The following PNPLA7 variants were observed in gnomAD, a reference collection of about 807,000 sequenced individuals.
The protein encoded by PNPLA7 is patatin like domain 7, lysophospholipase, also known as patatin-like phospholipase domain-containing protein 7.
PNPLA7 carries 153 observed loss-of-function variants against 161.7 expected under a neutral mutation model. The observed-to-expected ratio is 0.95, with a 90% CI of 0.83 to 1.08. The LOEUF is 1.08. Among genes scored for constraint, PNPLA7 ranks in the 50% least tolerant of loss-of-function variants. PNPLA7 has a pLI of 0.00. For synonymous variants in PNPLA7, 809 were observed against 782.1 expected, an observed-to-expected ratio of 1.03 and a Z score of -0.57; for missense variants, 1,739 against 1,856.6, an observed-to-expected ratio of 0.94 and a Z score of 1.16.
At chr9:137,497,143 G>A (rs1198741893) in intron 18 of PNPLA7, 44 bp downstream of exon 18, 1 of 1,484,760 alleles carries the variant, frequency 6.7e-7, no homozygotes. Context: ...TGCTCTGGGA[G>A]GGATGCAGAG....
chr9:137,495,925 G>A (rs1320868867), intron 18 of PNPLA7, among the ~76,000 whole-genome samples: 1 of 152,112 alleles, frequency 6.6e-6, no homozygotes, highest in African/African-American at 2.4e-5. Context: ...ATCGGAGCGC[G>A]GGACTCTGAT....
intron 4 of PNPLA7, among the ~76,000 whole-genome samples, chr9:137,546,173 GGC>G (rs1836513125): frequency 1.3e-5 from 2 of 152,092 alleles, no homozygotes; most frequent in African/African-American, 4.8e-5. Flanking sequence ...CAGAAATAAT[GGC>G]ATAAGCTATC....
Position 137,467,607 on chromosome 9 carries a change from C to A in PNPLA7, c.2883-134G>T. The stretch of plus-strand genomic sequence containing the variant: ...CTGACGCAGAGAGGGACTCCAGATG[C>A]AGTTTAAAACCCCTCTTTCCGGGCT... On this transcript the variant is annotated intron_variant, in intron 25 of 34. Coordinates refer to ENST00000406427, the MANE Select transcript of PNPLA7 (RefSeq NM_001098537.3). The surrounding 1 kb of genome is among the most constrained non-coding windows in gnomAD (Gnocchi z 5.1). The A allele has an allele frequency of 8.3e-7, 1 of 1,206,228 alleles. No homozygotes were observed. The allele number at this position is 1,206,228 out of a possible 1,614,324, so 74.7% of individuals were successfully genotyped here. A position where few individuals can be genotyped will look rare whatever the true frequency, so the allele number is the denominator to read the frequency against.
At position 137,500,987 on chromosome 9, in the gene PNPLA7, T is replaced by C; in HGVS notation, c.1552-91A>G. 8.1e-7 allele frequency: 1 copy of C among 1,233,930 alleles called. No individual in the cohort carries two copies. Among genetic ancestry groups the C allele is most frequent in the Non-Finnish European group, 1.1e-6 (1 of 893,234 alleles). The allele number at this position is 1,233,930 out of a possible 1,614,324, so 76.4% of individuals were successfully genotyped here. On this transcript the variant is annotated intron_variant, in intron 15 of 34. Coordinates refer to ENST00000406427, the MANE Select transcript of PNPLA7 (RefSeq NM_001098537.3). The surrounding 1 kb of genome is among the most constrained non-coding windows in gnomAD (Gnocchi z 5.5). ...CCCAGAGCGGACGATGCCACCAGGC[T>C]CAGCCGGGAGACCATCCGCCGACCT...
rs546784288 is a variant in PNPLA7 at position 137,508,463 on chromosome 9, C to T, written c.1226-2380G>A. Among the ~76,000 whole-genome samples, 390 of 151,356 alleles carry T rather than the reference C, an allele frequency of 2.6e-3. 2 individuals carry two copies. Among genetic ancestry groups the T allele is most frequent in the Non-Finnish European group, 4.9e-3 (329 of 67,828 alleles). ...GCGCCTGTAATTAACAGCTACTCGG[C>T]GGCTGAGGCAGGAGAATTGCTTGAA... On this transcript the variant is annotated intron_variant, in intron 12 of 34. Coordinates refer to ENST00000406427, the MANE Select transcript of PNPLA7 (RefSeq NM_001098537.3).
intron 8 of PNPLA7, among the ~76,000 whole-genome samples, chr9:137,536,951 C>A (rs574548747): frequency 1.3e-5 from 2 of 151,280 alleles, no homozygotes; most frequent in South Asian, 4.2e-4. Flanking sequence ...CACACTTCAT[C>A]TCCCACGACA....
Position 137,522,486 on chromosome 9 carries a change from G to A in PNPLA7, c.876+243C>T, listed in dbSNP as rs150570919. Among the ~76,000 whole-genome samples, 366 of 152,342 alleles carry A rather than the reference G, an allele frequency of 2.4e-3. 13 individuals are homozygous for A. The South Asian group carries it at 0.055, about 23-fold the overall frequency. ...GTTACAGGCGTGAGCCGCCGCGCCC[G>A]GCCCCAGATTTTTAAAATATAACCT... On this transcript the variant is annotated intron_variant, in intron 9 of 34. Coordinates refer to ENST00000406427, the MANE Select transcript of PNPLA7 (RefSeq NM_001098537.3).
intron 20 of PNPLA7, among the ~76,000 whole-genome samples, chr9:137,485,617 G>A (rs1197597707): frequency 6.6e-6 from 1 of 152,258 alleles, no homozygotes; most frequent in Non-Finnish European, 1.5e-5. Flanking sequence ...CAATAGGCCC[G>A]TTTCTCTTGT....
At position 137,541,387 on chromosome 9, in the gene PNPLA7, T is replaced by A. The variant is rs991215016; in HGVS notation, c.667-665A>T. 2.0e-6 allele frequency: 2 copies of A among 982,140 alleles called. No individual in the cohort carries two copies. The highest frequency in any genetic ancestry group is 2.4e-6 in the Non-Finnish European group (2 of 827,066). 60.8% of individuals were successfully genotyped at this position (982,140 alleles called of 1,614,324 possible). A position where few individuals can be genotyped will look rare whatever the true frequency, so the allele number is the denominator to read the frequency against. ...AGCCCCTTTCCCTTCTAATAACCCA[T>A]CAAGTCCAGCCACAGACAAAGCGAC... is the stretch of plus-strand genomic sequence containing the variant. On this transcript the variant is annotated intron_variant, in intron 7 of 34. Coordinates refer to ENST00000406427, the MANE Select transcript of PNPLA7 (RefSeq NM_001098537.3). The surrounding 1 kb of genome is among the most constrained non-coding windows in gnomAD (Gnocchi z 4.4).
In PNPLA7 at chr9:137,464,126, C is replaced by G; in HGVS notation, c.3226G>C (p.Gly1076Arg). The change falls in exon 28 of 35, where the codon GGC becomes CGC. Residue 1076 changes from glycine to arginine, a missense_variant and splice_region_variant. Coordinates refer to ENST00000406427, the MANE Select transcript of PNPLA7 (RefSeq NM_001098537.3). ...TASAMRVHTD[G>R]SLWWYVRASM... is the part of the protein sequence containing the mutation. ...CGCCCTGCGCAGCAGGAGTGCTCAC[C>G]GTCGGTGTGGACCCGCATGGCCGAG... 1 of 1,613,332 alleles carries G rather than the reference C, an allele frequency of 6.2e-7. No individual in the cohort carries two copies. Among genetic ancestry groups the G allele is most frequent in the Non-Finnish European group, 8.5e-7 (1 of 1,179,850 alleles).
At position 137,505,976 on chromosome 9, in the gene PNPLA7, G is replaced by A. The variant is rs772094440; in HGVS notation, c.1326+7C>T. On this transcript the variant is annotated splice_region_variant and intron_variant, in intron 13 of 34. Transcript: ENST00000406427. ...GGCGGAGGGTGAGAATGACAGCCAG[G>A]GCCTACCTTGCTGGCCACGGAGCTC... is the stretch of plus-strand genomic sequence containing the variant. 6.2e-7 allele frequency: 1 copy of A among 1,605,394 alleles called. No individual in the cohort carries two copies.
chr9:137,484,550 C>T (rs748052396), intron 21 of PNPLA7, 37 bp downstream of exon 21: 23 of 1,555,230 alleles, frequency 1.5e-5, no homozygotes, highest in Admixed American at 1.8e-5. Flanking sequence ...AGGCCCAGAA[C>T]CCAAGGATGG....
chr9:137,461,758 G>A (rs1408278469), intron 32 of PNPLA7, 138 bp from the exon 33 acceptor site: 5 of 1,194,456 alleles, frequency 4.2e-6, no homozygotes, highest in East Asian at 5.2e-5. Flanking sequence ...GGCAGGGACC[G>A]GGGAGATGCG....
Position 137,522,719 on chromosome 9 carries a change from A to T in PNPLA7, c.876+10T>A. On this transcript the variant is annotated intron_variant, in intron 9 of 34. Transcript: ENST00000406427. ...AGCAGCTAGAAGAGTTGTCTGAAAA[A>T]GTGACTCACCTGCACCACCCTCACC... 6.2e-7 allele frequency: 1 copy of T among 1,613,076 alleles called. No individual in the cohort carries two copies. The highest frequency in any genetic ancestry group is 8.5e-7 in the Non-Finnish European group (1 of 1,179,570).
At position 137,480,394 on chromosome 9, in the gene PNPLA7, G is replaced by A; in HGVS notation, c.2498C>T (p.Thr833Ile). The change falls in exon 23 of 35, where the codon ACA (threonine) becomes ATA (isoleucine). Residue 833 changes from threonine (T) to isoleucine (I), a missense_variant. By Grantham distance (89) the Thr-to-Ile change is moderately conservative. Coordinates refer to ENST00000406427, the MANE Select transcript of PNPLA7 (RefSeq NM_001098537.3). ...GCGCACGCAGCGCTGGGTCCAGGGT[G>A]TGAGCGTGCCATCTGCCTGGTAGAG... ...IVLYQADGTLTPWTQRCVRQA... is the reference protein window; with the variant it reads ...IVLYQADGTLIPWTQRCVRQA... 6.2e-7 allele frequency: 1 copy of A among 1,613,634 alleles called. No individual in the cohort carries two copies. Among genetic ancestry groups the A allele is most frequent in the Non-Finnish European group, 8.5e-7 (1 of 1,179,952 alleles).
chr9:137,463,926 C>G (rs910558994), intron 28 of PNPLA7, among the ~76,000 whole-genome samples, 200 bp downstream of exon 28: 2 of 152,244 alleles, frequency 1.3e-5, no homozygotes, highest in African/African-American at 2.4e-5. Flanking sequence ...CTCCAGCCTT[C>G]TGAGGTCTCT....
intron 33 of PNPLA7, 143 bp downstream of exon 33, chr9:137,461,392 AC>A: frequency 1.1e-6 from 1 of 891,712 alleles, no homozygotes; most frequent in South Asian, 1.7e-5. Flanking sequence ...GAGGAGTGCC[AC>A]CAAGCACCCC....
intron 20 of PNPLA7, among the ~76,000 whole-genome samples, chr9:137,488,875 C>A (rs1365697101): frequency 6.7e-6 from 1 of 149,030 alleles, no homozygotes; most frequent in African/African-American, 2.5e-5. Context: ...ACTGTGTACC[C>A]CCTAACCAGC....
chr9:137,468,247 C>T lies in PNPLA7; in HGVS notation c.2883-774G>A, dbSNP rs1232221326. Among the ~76,000 whole-genome samples, 1 of 151,780 alleles carries T rather than the reference C, an allele frequency of 6.6e-6. No individual in the cohort carries two copies. Among genetic ancestry groups the T allele is most frequent in the Admixed American group, 6.6e-5 (1 of 15,206 alleles). ...CACCCAGGGCCTCTAATTGCTACTG[C>T]TGCTTTCATACAGAATGTCCACCAC... On this transcript the variant is annotated intron_variant, in intron 25 of 34. Coordinates refer to ENST00000406427, the MANE Select transcript of PNPLA7 (RefSeq NM_001098537.3). The surrounding 1 kb of genome is among the most constrained non-coding windows in gnomAD (Gnocchi z 4.0).
Sources: gnomAD v4.1 joint callset for allele counts (sites outside exome capture counted in the v4.1 genomes callset) on GRCh38, gnomAD v4.1.1 for gene constraint, Gnocchi (gnomAD v3.1) non-coding constraint, MANE v1.5 for transcripts, NCBI Gene and HGNC (gene_info 2026-07-23, HGNC 2026-07-21) for gene names.